The following PNKD variants were observed in gnomAD, a reference collection of about 807,000 sequenced individuals.
PNKD encodes PNKD metallo-beta-lactamase domain containing.
Under a neutral mutation model 45.3 loss-of-function variants are expected in PNKD, and 36 were observed. The observed-to-expected ratio is 0.80, with a 90% CI of 0.61 to 1.05. The LOEUF is 1.05. Among genes scored for constraint, PNKD ranks in the 50% least tolerant of loss-of-function variants. The pLI is 0.00. For synonymous variants in PNKD, 197 were observed against 210.1 expected, an observed-to-expected ratio of 0.94 and a Z score of 0.54; for missense variants, 511 against 506.6, an observed-to-expected ratio of 1.01 and a Z score of -0.08.
At chr2:218,314,222 C>CTTTTTTTTTTTTT (rs386392656) in intron 2 of PNKD, among the ~76,000 whole-genome samples, 1 of 67,710 alleles carries the variant, frequency 1.5e-5, no homozygotes, top group African/African-American at 6.5e-5. Flanking sequence ...CGCGCCCTGG[C>CTTTTTTTTTTTTT]TTTTTTTTTT....
intron 2 of PNKD, chr2:218,277,247 G>T: frequency 8.6e-7 from 1 of 1,163,208 alleles, no homozygotes. Context: ...ACACAGTTTT[G>T]TAGGTGCGGA....
intron 2 of PNKD, chr2:218,286,113 G>A (rs1447974948): frequency 6.5e-6 from 1 of 153,754 alleles, no homozygotes; most frequent in Admixed American, 6.5e-5. Flanking sequence ...AGCTACTAGA[G>A]GGGCTCACAG....
rs1287473807 is a variant in PNKD, at chr2:218,270,603, G to C, written c.67+1G>C. The C allele has an allele frequency of 1.0e-6, 1 of 984,850 alleles. No homozygotes were observed. The highest frequency in any genetic ancestry group is 4.0e-5 in the South Asian group (1 of 25,098). 61.0% of individuals were successfully genotyped at this position (984,850 alleles called of 1,614,324 possible). On this transcript the variant is annotated splice_donor_variant, in intron 1 of 9. Transcript: ENST00000273077. LOFTEE classifies it high-confidence loss of function. ...GCGAGAAATGCCCGCGTCCTCCGGG[G>C]TAAGGAGAGGGACCCCGGGGAGGGC...
At chr2:218,276,781 A>G (rs901185386) in intron 2 of PNKD, among the ~76,000 whole-genome samples, 3 of 152,044 alleles carry the variant, frequency 2.0e-5, no homozygotes, top group African/African-American at 7.2e-5. Flanking sequence ...GATGCAGTCC[A>G]GGGCTTCAGG....
At chr2:218,294,375 G>A (rs899702181) in intron 2 of PNKD, among the ~76,000 whole-genome samples, 1 of 152,190 alleles carries the variant, frequency 6.6e-6, no homozygotes, top group South Asian at 2.1e-4. Context: ...TGGAGGGTGG[G>A]AAACGCAACA....
At chr2:218,311,301 G>A (rs750158374) in intron 2 of PNKD, among the ~76,000 whole-genome samples, 4 of 152,190 alleles carry the variant, frequency 2.6e-5, no homozygotes, top group Non-Finnish European at 4.4e-5. Flanking sequence ...CAGGTGGGAC[G>A]AGAGACTGAG....
At chr2:218,283,668 A>G (rs1218090228) in intron 2 of PNKD, among the ~76,000 whole-genome samples, 1 of 152,204 alleles carries the variant, frequency 6.6e-6, no homozygotes, top group African/African-American at 2.4e-5. Context: ...GGCACATTGC[A>G]TAGTTCGGGG....
At chr2:218,311,082 T>G (rs1693601395) in intron 2 of PNKD, among the ~76,000 whole-genome samples, 1 of 152,184 alleles carries the variant, frequency 6.6e-6, no homozygotes, top group Admixed American at 6.5e-5. Flanking sequence ...GACACATCTC[T>G]CAGAATGTAT....
rs1168223007 is a variant in PNKD, at chr2:218,273,733, T to TC, written c.236+2191dup. On this transcript the variant is annotated intron_variant, in intron 2 of 9. Coordinates refer to ENST00000273077, the MANE Select transcript of PNKD (RefSeq NM_015488.5). ...TCTCAAACTCCTGACCTCAGGTGAT[T>TC]CCCCCCCACCGCCCTCGGCCTCCCA... Among the ~76,000 whole-genome samples, 29 of 151,178 alleles carry TC rather than the reference T, an allele frequency of 1.9e-4. 1 individual carries two copies. Among genetic ancestry groups the TC allele is most frequent in the Middle Eastern group, 3.4e-3 (1 of 294 alleles).
At position 218,345,032 on chromosome 2, in the gene PNKD, C is replaced by T. The variant is rs778722663; in HGVS notation, c.*51C>T. On this transcript the variant is annotated 3_prime_UTR_variant, in exon 10 of 10. Transcript: ENST00000273077. Reference sequence around the variant, plus strand: ...CACTCCCCGCATGGGGAGGCCGCCACCACCAACACCTCATCATCCTTCTCA... The same window carrying T: ...CACTCCCCGCATGGGGAGGCCGCCATCACCAACACCTCATCATCCTTCTCA... 1.4e-6 allele frequency: 2 copies of T among 1,385,682 alleles called. No individual in the cohort carries two copies. Among genetic ancestry groups the T allele is most frequent in the South Asian group, 2.5e-5 (2 of 80,292 alleles). The allele number at this position is 1,385,682 out of a possible 1,614,324, so 85.8% of individuals were successfully genotyped here.
At chr2:218,287,185 T>G (rs1276590779) in intron 2 of PNKD, 1 of 152,162 alleles carries the variant, frequency 6.6e-6, no homozygotes, top group Admixed American at 6.5e-5. Context: ...ATATCAGAGC[T>G]GGCTTAGACT....
chr2:218,273,479 AT>A (rs10562640), intron 2 of PNKD, among the ~76,000 whole-genome samples: 715 of 96,794 alleles, frequency 7.4e-3, no homozygotes, highest in African/African-American at 0.024. Flanking sequence ...TTTTTTACTT[AT>A]TTTTTTTTTT....
intron 2 of PNKD, among the ~76,000 whole-genome samples, chr2:218,287,501 A>G (rs1207557597): frequency 1.3e-5 from 2 of 152,160 alleles, no homozygotes; most frequent in Non-Finnish European, 2.9e-5. Context: ...CGAGGTCAGG[A>G]GATCAAGACC....
chr2:218,341,396 G>T, intron 5 of PNKD, 138 bp from the exon 6 acceptor site: 1 of 621,424 alleles, frequency 1.6e-6, no homozygotes, highest in South Asian at 2.0e-5. Context: ...TTGAACAAAG[G>T]CCTAGAGGTG....
At chr2:218,333,792 G>A (rs1321614705) in intron 2 of PNKD, among the ~76,000 whole-genome samples, 1 of 151,982 alleles carries the variant, frequency 6.6e-6, no homozygotes, top group Non-Finnish European at 1.5e-5. Context: ...TCAGAGGAAA[G>A]GGTGATTTTA....
intron 2 of PNKD, among the ~76,000 whole-genome samples, chr2:218,322,426 G>C (rs374430685): frequency 6.6e-6 from 1 of 152,194 alleles, no homozygotes; most frequent in African/African-American, 2.4e-5. Context: ...AGCTGGGAAC[G>C]GTGATGTGGA....
chr2:218,287,912 C>T (rs899512734), intron 2 of PNKD, among the ~76,000 whole-genome samples: 1 of 152,186 alleles, frequency 6.6e-6, no homozygotes, highest in Admixed American at 6.5e-5. Context: ...GGAGCAGAAT[C>T]CTGTGATCAG....
At chr2:218,290,413 T>C (rs866090658) in intron 2 of PNKD, among the ~76,000 whole-genome samples, 5 of 152,320 alleles carry the variant, frequency 3.3e-5, no homozygotes, top group Admixed American at 6.5e-5. Flanking sequence ...TCCTAACTCC[T>C]CGTCTCTTAT....
intron 2 of PNKD, among the ~76,000 whole-genome samples, chr2:218,303,623 C>T (rs1299092564): frequency 1.4e-5 from 2 of 139,722 alleles, no homozygotes; most frequent in Non-Finnish European, 3.0e-5. Context: ...GTTGCCCAGG[C>T]TGGAATGCAG....
Sources: allele counts gnomAD v4.1 joint callset (sites outside exome capture counted in the v4.1 genomes callset), GRCh38; gene constraint gnomAD v4.1.1; transcripts MANE v1.5; gene names NCBI Gene and HGNC (gene_info 2026-07-23, HGNC 2026-07-21).